NCS1: variants seen among roughly 807,000 people sequenced by gnomAD.
NCS1 encodes neuronal calcium sensor 1.
A neutral mutation model predicts 28.4 loss-of-function variants in NCS1; 6 were observed. The ratio of observed to expected loss-of-function variants is 0.21; its 90% CI spans 0.12 to 0.42. The LOEUF is 0.42. Ranked by LOEUF, NCS1 falls within the 10% of genes least tolerant of loss-of-function variation. The pLI is 1.00. For synonymous variants in NCS1, 86 were observed against 99.3 expected, an observed-to-expected ratio of 0.87 and a Z score of 0.79; for missense variants, 131 against 241.4, an observed-to-expected ratio of 0.54 and a Z score of 3.03.
At chr9:130,217,656 T>C (rs1833208227) in intron 2 of NCS1, among the ~76,000 whole-genome samples, 176 bp from the exon 3 acceptor site, 2 of 152,146 alleles carry the variant, frequency 1.3e-5, no homozygotes, top group South Asian at 4.1e-4. Context: ...GTCACACTGC[T>C]AGTGAGAGGC....
At position 130,226,049 on chromosome 9, in the gene NCS1, T is replaced by C. The variant is rs1189203195; in HGVS notation, c.475-340T>C. On this transcript the variant is annotated intron_variant, in intron 6 of 7. Transcript: ENST00000372398. The surrounding 1 kb of genome is among the most constrained non-coding windows in gnomAD (Gnocchi z 4.8). ...CTCTCAGCCTTGTCAGTTACTCACA[T>C]TGATGGGGTTTAATAGCATTAACCA... is the stretch of plus-strand genomic sequence containing the variant. Among the ~76,000 whole-genome samples the C allele has an allele frequency of 1.3e-5, 2 of 152,122 alleles. No homozygotes were observed. Among genetic ancestry groups the C allele is most frequent in the South Asian group, 2.1e-4 (1 of 4,824 alleles).
intron 1 of NCS1, among the ~76,000 whole-genome samples, chr9:130,174,800 A>AAT (rs1461525363): frequency 6.6e-6 from 1 of 151,358 alleles, no homozygotes; most frequent in Non-Finnish European, 1.5e-5. Flanking sequence ...CAAAAAAAAA[A>AAT]AAAAAAAGCT....
chr9:130,221,401 TATATATATATATAGAGAGAGAGAGAG>T (rs1204225009), intron 4 of NCS1, among the ~76,000 whole-genome samples: 36 of 45,076 alleles, frequency 8.0e-4, no homozygotes, highest in African/African-American at 2.8e-3. Flanking sequence ...TATATATATA[TATATATATATATAGAGAGAGAGAGAG>T]AGAGAGAGAG....
chr9:130,184,742 C>T (rs1204222464), intron 1 of NCS1, among the ~76,000 whole-genome samples: 2 of 152,086 alleles, frequency 1.3e-5, no homozygotes, highest in African/African-American at 4.8e-5. Flanking sequence ...ATTCTCTTGC[C>T]TCAGCCTCCC....
rs1832835843 is a variant in NCS1, at chr9:130,192,942, G to A, written c.65-8016G>A. ...GCTAGTAATGTCCTCTCTCACAGAT[G>A]GGGAAACCGAAACCCAAACTGGGGA... On this transcript the variant is annotated intron_variant, in intron 1 of 7. Transcript: ENST00000372398. The surrounding 1 kb of genome is among the most constrained non-coding windows in gnomAD (Gnocchi z 4.8). Among the ~76,000 whole-genome samples, 1 of 152,214 alleles carries A rather than the reference G, an allele frequency of 6.6e-6. No individual in the cohort carries two copies. The highest frequency in any genetic ancestry group is 2.4e-5 in the African/African-American group (1 of 41,456).
rs782080756 is a variant in NCS1 at position 130,172,635 on chromosome 9, CG to C, written c.-22del. On this transcript the variant is annotated 5_prime_UTR_variant, in exon 1 of 8. Transcript: ENST00000372398. ...CTGGGCGCCCCAACCGGGTCCGGCC[CG>C]GGGGGGCGGGGGCCGCGGCCGCCGA... is the stretch of plus-strand genomic sequence containing the variant. 220 of 1,407,876 alleles carry C rather than the reference CG, an allele frequency of 1.6e-4. No individual in the cohort carries two copies. In the African/African-American group the frequency reaches 1.8e-3, roughly 11 times the overall value. The allele number at this position is 1,407,876 out of a possible 1,614,324, so 87.2% of individuals were successfully genotyped here.
At chr9:130,174,223 G>A (rs782493108) in intron 1 of NCS1, among the ~76,000 whole-genome samples, 4 of 152,322 alleles carry the variant, frequency 2.6e-5, no homozygotes, top group Middle Eastern at 3.4e-3. Context: ...TGAGGACACC[G>A]TGGGCTCCAT....
chr9:130,201,699 AC>A (rs1832949941), intron 2 of NCS1, among the ~76,000 whole-genome samples: 1 of 151,524 alleles, frequency 6.6e-6, no homozygotes, highest in Non-Finnish European at 1.5e-5. Flanking sequence ...AGGGCCGGGC[AC>A]CCCCCAGGAG....
At position 130,181,964 on chromosome 9, in the gene NCS1, G is replaced by A. The variant is rs1382318918; in HGVS notation, c.64+9237G>A. Among the ~76,000 whole-genome samples the A allele has an allele frequency of 3.3e-5, 5 of 152,054 alleles. No individual in the cohort carries two copies. The highest frequency in any genetic ancestry group is 9.7e-5 in the African/African-American group (4 of 41,390). On this transcript the variant is annotated intron_variant, in intron 1 of 7. Transcript: ENST00000372398. This position sits in a 1 kb window ranked among gnomAD's most constrained non-coding sequence, Gnocchi z 5.0. ...CTGGGGAGGGAGGCACAGACAGGCC[G>A]GGAGCCGCGCCAAAGGCTGGGAGCT...
intron 2 of NCS1, among the ~76,000 whole-genome samples, chr9:130,214,857 T>G (rs1258358606): frequency 6.6e-6 from 1 of 152,126 alleles, no homozygotes; most frequent in Non-Finnish European, 1.5e-5. Flanking sequence ...TAATAACCTC[T>G]GCAGGGGTAA....
chr9:130,222,937 C>T, intron 5 of NCS1, 145 bp from the exon 6 acceptor site: 1 of 830,572 alleles, frequency 1.2e-6, no homozygotes. Flanking sequence ...TGGGATGTTC[C>T]AGGGCACAAT....
intron 1 of NCS1, among the ~76,000 whole-genome samples, chr9:130,195,714 G>A (rs1554906760): frequency 1.3e-5 from 2 of 152,350 alleles, no homozygotes; most frequent in East Asian, 1.9e-4. Context: ...ATGAGCCACC[G>A]CGCTCGGGCG....
At chr9:130,224,446 T>TGAG (rs1554911104) in intron 6 of NCS1, among the ~76,000 whole-genome samples, 3 of 146,786 alleles carry the variant, frequency 2.0e-5, no homozygotes, top group African/African-American at 7.7e-5. Context: ...TAATCCCAGC[T>TGAG]ACTCGGGAGG....
chr9:130,230,804 C>G (rs200031239), intron 7 of NCS1, among the ~76,000 whole-genome samples: 1 of 1,142 alleles, frequency 8.8e-4, no homozygotes, highest in African/African-American at 1.7e-3. Context: ...GCCCTCCCCC[C>G]CCACCCCCAC....
chr9:130,211,010 ATTTTTTTT>A (rs34425557), intron 2 of NCS1, among the ~76,000 whole-genome samples: 1 of 92,388 alleles, frequency 1.1e-5, no homozygotes, highest in African/African-American at 4.4e-5. Context: ...GGCTCCACTA[ATTTTTTTT>A]TTTTTTTTTT....
chr9:130,229,013 T>G lies in NCS1; in HGVS notation c.*17+2509T>G, dbSNP rs560116410. Among the ~76,000 whole-genome samples, 2 of 151,988 alleles carry G rather than the reference T, an allele frequency of 1.3e-5. 1 individual carries two copies. The highest frequency in any genetic ancestry group is 4.2e-4 in the South Asian group (2 of 4,816). ...AGCGTCTGTTATTATTATTATTATT[T>G]TTCACAAGAAATCCTTTTTCATTGA... is the stretch of plus-strand genomic sequence containing the variant. On this transcript the variant is annotated intron_variant, in intron 7 of 7. Transcript: ENST00000372398.
At chr9:130,204,123 G>A (rs1248962984) in intron 2 of NCS1, among the ~76,000 whole-genome samples, 1 of 152,076 alleles carries the variant, frequency 6.6e-6, no homozygotes, top group Non-Finnish European at 1.5e-5. Context: ...CTCCCAAGTA[G>A]CTGGGATTAC....
At chr9:130,173,126 T>G (rs1170795535) in intron 1 of NCS1, among the ~76,000 whole-genome samples, 2 of 151,818 alleles carry the variant, frequency 1.3e-5, no homozygotes, top group African/African-American at 2.4e-5. Flanking sequence ...GGGCTGGTGA[T>G]TCATGCATCA....
chr9:130,176,684 G>A (rs887277667), intron 1 of NCS1, among the ~76,000 whole-genome samples: 8 of 152,192 alleles, frequency 5.3e-5, no homozygotes, highest in African/African-American at 1.9e-4. Flanking sequence ...TACGTGTAGC[G>A]GCCTCCGCAG....
Sources: allele counts gnomAD v4.1 joint callset (sites outside exome capture counted in the v4.1 genomes callset), GRCh38; gene constraint gnomAD v4.1.1; non-coding constraint Gnocchi (gnomAD v3.1); transcripts MANE v1.5; gene names NCBI Gene and HGNC (gene_info 2026-07-23, HGNC 2026-07-21).